The following MAP7D2 variants were observed in gnomAD, a reference collection of about 807,000 sequenced individuals.
MAP7D2 encodes MAP7 domain-containing protein 2.
MAP7D2 carries 33 observed loss-of-function variants against 63.5 expected under a neutral mutation model. The observed-to-expected ratio is 0.52, with a 90% CI of 0.39 to 0.70. The LOEUF is 0.70. Ranked by LOEUF, MAP7D2 falls within the 30% of genes least tolerant of loss-of-function variation. MAP7D2 has a pLI of 0.00. For missense variants in MAP7D2, 626 were observed against 604.0 expected, an observed-to-expected ratio of 1.04 and a Z score of -0.38; for synonymous variants, 224 against 223.7, an observed-to-expected ratio of 1.00 and a Z score of -0.01.
intron 3 of MAP7D2, among the ~76,000 whole-genome samples, chrX:20,059,808 G>A (rs995484305): frequency 6.3e-5 from 7 of 110,731 alleles, no homozygotes; most frequent in African/African-American, 2.3e-4. Flanking sequence ...AAAGAAGGAA[G>A]GAGCGAGCCT....
chrX:20,093,016 A>G (rs1014541167), intron 1 of MAP7D2, among the ~76,000 whole-genome samples: 1 of 111,857 alleles, frequency 8.9e-6, no homozygotes, highest in Non-Finnish European at 1.9e-5. Context: ...TGACTGATCA[A>G]TCTGAGACCA....
chrX:20,028,369 G>A (rs1406652478), intron 8 of MAP7D2, among the ~76,000 whole-genome samples: 2 of 111,980 alleles, frequency 1.8e-5, no homozygotes, highest in Admixed American at 1.9e-4. Context: ...AGGTATTGGT[G>A]TTGATCAATT....
intron 1 of MAP7D2, among the ~76,000 whole-genome samples, chrX:20,078,879 T>G (rs1157978956): frequency 9.1e-6 from 1 of 109,391 alleles, no homozygotes; most frequent in Admixed American, 1.0e-4. Flanking sequence ...CTTTAATCCT[T>G]GTTTTCACAT....
intron 4 of MAP7D2, among the ~76,000 whole-genome samples, chrX:20,054,087 C>T (rs2065014718): frequency 8.9e-6 from 1 of 112,326 alleles, no homozygotes; most frequent in African/African-American, 3.2e-5. Flanking sequence ...CGTGATCTGC[C>T]TCAGCCTCCC....
At chrX:20,041,091 A>C (rs1287500157) in intron 8 of MAP7D2, among the ~76,000 whole-genome samples, 2 of 111,936 alleles carry the variant, frequency 1.8e-5, no homozygotes, top group African/African-American at 6.5e-5. Context: ...CATGAGTCCA[A>C]ATTCCAGCAA....
chrX:20,108,259 G>C (rs1012726101), intron 1 of MAP7D2, among the ~76,000 whole-genome samples: 10 of 107,270 alleles, frequency 9.3e-5, no homozygotes, highest in Non-Finnish European at 1.3e-4. Flanking sequence ...TTTTGAGACA[G>C]AGTCTCACTC....
At chrX:20,094,516 GTATATATATATATATATATATA>G (rs1208747143) in intron 1 of MAP7D2, among the ~76,000 whole-genome samples, 1 of 11,888 alleles carries the variant, frequency 8.4e-5, no homozygotes, top group African/African-American at 6.4e-4. Flanking sequence ...ATATATATAT[GTATATATATATATATATATATA>G]TATGTATATA....
At chrX:20,071,586 A>G (rs1173607970) in intron 1 of MAP7D2, among the ~76,000 whole-genome samples, 1 of 111,681 alleles carries the variant, frequency 9.0e-6, no homozygotes, top group African/African-American at 3.3e-5. Context: ...CAGGGCCCAC[A>G]CCTTGAGAAC....
intron 3 of MAP7D2, among the ~76,000 whole-genome samples, chrX:20,059,629 T>C (rs185743296): frequency 4.3e-5 from 2 of 45,984 alleles, no homozygotes; most frequent in Admixed American, 5.2e-4. Flanking sequence ...GAAGGAAGGG[T>C]GGAAGGAAGG....
At chrX:20,100,944 C>T (rs2066417012) in intron 1 of MAP7D2, among the ~76,000 whole-genome samples, 2 of 108,692 alleles carry the variant, frequency 1.8e-5, no homozygotes, top group African/African-American at 6.7e-5. Context: ...TCGCTTGATC[C>T]CGGGAGGCGG....
intron 1 of MAP7D2, 29 bp downstream of exon 1, chrX:20,116,721 G>C (rs755040069): frequency 2.0e-5 from 23 of 1,135,115 alleles, no homozygotes; most frequent in Admixed American, 2.7e-5. Flanking sequence ...CGAAGCCCTC[G>C]GGCGCCCGCC....
At chrX:20,094,516 GTA>G (rs1208747143) in intron 1 of MAP7D2, among the ~76,000 whole-genome samples, 2,048 of 11,796 alleles carry the variant, frequency 0.17, 300 homozygotes, top group South Asian at 0.25. Context: ...ATATATATAT[GTA>G]TATATATATA....
intron 10 of MAP7D2, chrX:20,017,327 A>G (rs913797279): frequency 1.8e-5 from 2 of 112,511 alleles, no homozygotes; most frequent in African/African-American, 6.5e-5. Flanking sequence ...TCCTCTCTCC[A>G]AGCCCCAATG....
At chrX:20,109,659 T>G (rs956505678) in intron 1 of MAP7D2, among the ~76,000 whole-genome samples, 1 of 111,812 alleles carries the variant, frequency 8.9e-6, no homozygotes, top group Non-Finnish European at 1.9e-5. Context: ...CACCTCTCGC[T>G]GAATACATAA....
intron 1 of MAP7D2, among the ~76,000 whole-genome samples, chrX:20,087,891 T>TC (rs2065952731): frequency 1.2e-5 from 1 of 81,510 alleles, no homozygotes; most frequent in Non-Finnish European, 2.4e-5. Flanking sequence ...TTTTTTTTTT[T>TC]TTTTTTTTTT....
intron 1 of MAP7D2, among the ~76,000 whole-genome samples, chrX:20,109,738 C>T (rs1050879834): frequency 9.0e-6 from 1 of 111,337 alleles, no homozygotes; most frequent in African/African-American, 3.3e-5. Context: ...ATTCAACCAA[C>T]CACAGACTAA....
chrX:20,056,855 C>T (rs1293020980), intron 3 of MAP7D2, 64 bp from the exon 4 acceptor site: 2 of 1,015,058 alleles, frequency 2.0e-6, no homozygotes, highest in Non-Finnish European at 2.7e-6. Flanking sequence ...ACACTACCTG[C>T]TGCCTCAGTG....
chrX:20,084,545 TTCCC>T (rs755808991), intron 1 of MAP7D2, among the ~76,000 whole-genome samples: 5 of 55,390 alleles, frequency 9.0e-5, no homozygotes, highest in African/African-American at 2.1e-4. Flanking sequence ...TTCCTTCCTG[TTCCC>T]TCCCTCCCTC....
At position 20,101,037 on chromosome X, in the gene MAP7D2, C is replaced by A. The variant is rs926832995; in HGVS notation, c.130+15713G>T. Among the ~76,000 whole-genome samples the A allele has an allele frequency of 1.1e-3, 115 of 102,384 alleles. 1 individual carries two copies. Among genetic ancestry groups the A allele is most frequent in the African/African-American group, 3.2e-3 (88 of 27,230 alleles). The allele number at this position is 102,384 out of a possible 115,157, so 88.9% of individuals were successfully genotyped here. A position where few individuals can be genotyped will look rare whatever the true frequency, so the allele number is the denominator to read the frequency against. On this transcript the variant is annotated intron_variant, in intron 1 of 16. Coordinates refer to ENST00000379643, the MANE Select transcript of MAP7D2 (RefSeq NM_001168465.2). Reference sequence around the variant, plus strand: ...ACTCCGTCTCAAAAAAAAAAAAAAACAAACAAACAAAAAAAGAAGTTGGAA... The same window carrying A: ...ACTCCGTCTCAAAAAAAAAAAAAAAAAAACAAACAAAAAAAGAAGTTGGAA...
Sources: allele counts gnomAD v4.1 joint callset (sites outside exome capture counted in the v4.1 genomes callset), GRCh38; gene constraint gnomAD v4.1.1; transcripts MANE v1.5; gene names NCBI Gene and HGNC (gene_info 2026-07-23, HGNC 2026-07-21).